DPP3: variants seen among roughly 807,000 people sequenced by gnomAD.
The protein encoded by DPP3 is DPP III.
A neutral mutation model predicts 89.8 loss-of-function variants in DPP3; 64 were observed. The observed-to-expected ratio is 0.71, with a 90% CI of 0.58 to 0.88. The LOEUF (loss-of-function observed/expected upper bound fraction) is 0.88. Among genes scored for constraint, DPP3 ranks in the 40% least tolerant of loss-of-function variants. The pLI, the probability that DPP3 is intolerant of heterozygous loss-of-function variation, is 0.00. For missense variants in DPP3, 835 were observed against 972.5 expected (o/e 0.86, Z 1.88); for synonymous variants, 377 against 404.3 (o/e 0.93, Z 0.81).
Position 66,487,254 on chromosome 11 carries a change from G to A in DPP3, c.499-14G>A. 2 of 1,613,686 alleles carry A rather than the reference G, an allele frequency of 1.2e-6. No individual in the cohort carries two copies. Among genetic ancestry groups the A allele is most frequent in the Admixed American group, 3.3e-5 (2 of 60,004 alleles). On this transcript the variant is annotated splice_polypyrimidine_tract_variant and intron_variant, in intron 4 of 17. Coordinates refer to ENST00000531863, the MANE Select transcript of DPP3 (RefSeq NM_130443.4). ...GCAACTCCTCTTTCTCATGTCCCCT[G>A]TCTTCCCCAACAGGGAATCACCACC...
intron 12 of DPP3, among the ~76,000 whole-genome samples, chr11:66,494,229 G>T (rs1266118447): frequency 1.3e-5 from 2 of 152,152 alleles, no homozygotes; most frequent in Admixed American, 6.5e-5. Context: ...AGTCATTTAT[G>T]GGGGGCTGAA....
chr11:66,494,541 G>C (rs557632472), intron 12 of DPP3, among the ~76,000 whole-genome samples: 1 of 152,344 alleles, frequency 6.6e-6, no homozygotes, highest in Non-Finnish European at 1.5e-5. Context: ...GACCCCTGCT[G>C]TGTGGGCTGT....
intron 17 of DPP3, among the ~76,000 whole-genome samples, 195 bp from the exon 18 acceptor site, chr11:66,508,884 G>A (rs1855870606): frequency 6.6e-6 from 1 of 152,140 alleles, no homozygotes; most frequent in Non-Finnish European, 1.5e-5. Context: ...TACTCCCCCT[G>A]TAGTATTTCC....
chr11:66,509,429 T>C lies in DPP3; in HGVS notation c.*178T>C, dbSNP rs1187604365. On this transcript the variant is annotated 3_prime_UTR_variant, in exon 18 of 18. Transcript: ENST00000531863. Reference sequence around the variant, plus strand: ...TTGTCAGCACTTTCCAGCCTGCCAATTGCTTCCCCTCTGTGATCTCATTTC... The same window carrying C: ...TTGTCAGCACTTTCCAGCCTGCCAACTGCTTCCCCTCTGTGATCTCATTTC... The C allele has an allele frequency of 1.2e-5, 18 of 1,532,516 alleles. No individual in the cohort carries two copies. Among genetic ancestry groups the C allele is most frequent in the Non-Finnish European group, 1.6e-5 (18 of 1,143,630 alleles). 94.9% of individuals were successfully genotyped at this position (1,532,516 alleles called of 1,614,324 possible).
Position 66,495,483 on chromosome 11 carries a change from T to C in DPP3, c.1571T>C (p.Val524Ala). 7 of 1,611,440 alleles carry C rather than the reference T, an allele frequency of 4.3e-6. No individual in the cohort carries two copies. Among genetic ancestry groups the C allele is most frequent in the Non-Finnish European group, 5.9e-6 (7 of 1,178,484 alleles). Residue 524 changes from valine to alanine, a missense_variant, in exon 14 of 18, where the codon GTG becomes GCG. Physicochemically the swap from Val to Ala is moderately conservative, Grantham distance 64. Transcript: ENST00000531863. Reference sequence around the variant, plus strand: ...CTCTACCTCTGTCTCCACCCGCAAGTGCTGGAGTAAGAGCAGCAGGGCCGA... The same window carrying C: ...CTCTACCTCTGTCTCCACCCGCAAGCGCTGGAGTAAGAGCAGCAGGGCCGA... ...VGLYLCLHPQVLEIFGFEGAD... is the reference protein window; with the variant it reads ...VGLYLCLHPQALEIFGFEGAD...
rs1855454422 is a variant in DPP3 at position 66,493,565 on chromosome 11, C to G, written c.1321C>G (p.Pro441Ala). ...GGACCTGTACATCCTCTGGAAGGGG[C>G]CCTCCTTCGATGTGCAGGTGGGCCT... Reference protein sequence around the residue: ...DKDLYILWKGPSFDVQVGLHE... With the variant: ...DKDLYILWKGASFDVQVGLHE... Residue 441 changes from proline to alanine, a missense_variant, in exon 12 of 18, where the codon CCC becomes GCC. By Grantham distance (27) the Pro-to-Ala change is conservative. Coordinates refer to ENST00000531863, the MANE Select transcript of DPP3 (RefSeq NM_130443.4). 6.2e-7 allele frequency: 1 copy of G among 1,613,132 alleles called. No individual in the cohort carries two copies. The highest frequency in any genetic ancestry group is 1.1e-5 in the South Asian group (1 of 91,056).
intron 16 of DPP3, among the ~76,000 whole-genome samples, chr11:66,498,317 T>A (rs1255309321): frequency 1.3e-5 from 2 of 152,094 alleles, no homozygotes; most frequent in South Asian, 2.1e-4. Flanking sequence ...ATGGTCTCGA[T>A]CTCCTGACCT....
intron 4 of DPP3, 49 bp downstream of exon 4, chr11:66,486,726 C>CACTGGT (rs1565267139): frequency 6.9e-7 from 1 of 1,439,222 alleles, no homozygotes. Flanking sequence ...GGGAATCCTT[C>CACTGGT]AAGGCCACCT....
At chr11:66,480,811 T>G in intron 1 of DPP3, 1 of 245,912 alleles carries the variant, frequency 4.1e-6, no homozygotes, top group East Asian at 7.7e-5. Context: ...TTGTTGCCCT[T>G]TCCAAGCCTC....
chr11:66,487,346 T>G lies in DPP3; in HGVS notation c.573+4T>G. 1.9e-6 allele frequency: 3 copies of G among 1,613,942 alleles called. No individual in the cohort carries two copies. Among genetic ancestry groups the G allele is most frequent in the Non-Finnish European group, 2.5e-6 (3 of 1,179,882 alleles). ...CCAGGACTTTCTGGACTCACAGGTT[T>G]GGGGTTAGGGGAGCTCAAGGTAGCA... On this transcript the variant is annotated splice_donor_region_variant and intron_variant, in intron 5 of 17. Coordinates refer to ENST00000531863, the MANE Select transcript of DPP3 (RefSeq NM_130443.4).
At chr11:66,481,453 G>A (rs1855078248) in intron 1 of DPP3, among the ~76,000 whole-genome samples, 1 of 151,982 alleles carries the variant, frequency 6.6e-6, no homozygotes, top group Non-Finnish European at 1.5e-5. Context: ...TCATGCCACT[G>A]CACTCCAGCC....
In DPP3 at chr11:66,485,169, T is replaced by C; in HGVS notation, c.271-4T>C. 3 of 1,614,088 alleles carry C rather than the reference T, an allele frequency of 1.9e-6. No individual in the cohort carries two copies. The highest frequency in any genetic ancestry group is 2.5e-6 in the Non-Finnish European group (3 of 1,179,994). ...TGGGTCTCTGATGCCTGCCTCCCCC[T>C]CAGGCGTTCCTGGTCTATGCCGCGG... On this transcript the variant is annotated splice_polypyrimidine_tract_variant and splice_region_variant and intron_variant, in intron 2 of 17. Transcript: ENST00000531863.
At chr11:66,496,923 A>G (rs1384000019) in intron 15 of DPP3, among the ~76,000 whole-genome samples, 1 of 152,118 alleles carries the variant, frequency 6.6e-6, no homozygotes, top group African/African-American at 2.4e-5. Context: ...TTTGAGCACA[A>G]ACAAGGTTGT....
chr11:66,504,239 A>C (rs1053610166), intron 16 of DPP3, among the ~76,000 whole-genome samples: 4 of 151,946 alleles, frequency 2.6e-5, no homozygotes, highest in Admixed American at 6.6e-5. Flanking sequence ...GATTGCACGC[A>C]TGAGCCACCA....
chr11:66,489,408 G>C (rs1429283694), intron 6 of DPP3, among the ~76,000 whole-genome samples: 1 of 152,110 alleles, frequency 6.6e-6, no homozygotes, highest in Non-Finnish European at 1.5e-5. Flanking sequence ...ATCCACTGTT[G>C]TCTCCCTGGT....
intron 3 of DPP3, among the ~76,000 whole-genome samples, chr11:66,485,871 A>T (rs139980737): frequency 1.3e-5 from 2 of 152,160 alleles, no homozygotes; most frequent in East Asian, 3.9e-4. Context: ...TTAGCCTCCC[A>T]AGTAGTTGGG....
In DPP3 at chr11:66,497,375, C is replaced by A; in HGVS notation, c.1776C>A (p.Thr592=). ...AGEGLVTITP[T]TGSDGRPDAR... ...AGGGACTCGTTACCATCACTCCCAC[C>A]ACAGGCTCCGATGGGCGCCCAGATG... Residue 592 remains threonine (T), a synonymous_variant, in exon 16 of 18, where the codon ACC becomes ACA. Transcript: ENST00000531863. 1 of 1,614,034 alleles carries A rather than the reference C, an allele frequency of 6.2e-7. No homozygotes were observed. Among genetic ancestry groups the A allele is most frequent in the Non-Finnish European group, 8.5e-7 (1 of 1,179,978 alleles).
In DPP3 at chr11:66,485,162, C is replaced by T. The variant is rs370669411; in HGVS notation, c.271-11C>T. ...TGCTTCCTGGGTCTCTGATGCCTGC[C>T]TCCCCCTCAGGCGTTCCTGGTCTAT... is the stretch of plus-strand genomic sequence containing the variant. On this transcript the variant is annotated splice_polypyrimidine_tract_variant and intron_variant, in intron 2 of 17. Coordinates refer to ENST00000531863, the MANE Select transcript of DPP3 (RefSeq NM_130443.4). 4.3e-6 allele frequency: 7 copies of T among 1,613,852 alleles called. No homozygotes were observed. The highest frequency in any genetic ancestry group is 1.7e-4 in the Middle Eastern group (1 of 6,008).
intron 17 of DPP3, among the ~76,000 whole-genome samples, chr11:66,508,515 ATTAT>A (rs558050868): frequency 2.6e-5 from 4 of 151,854 alleles, no homozygotes; most frequent in South Asian, 2.1e-4. Flanking sequence ...GGTGTCTTTT[ATTAT>A]TTATTTATTT....
Sources: allele counts gnomAD v4.1 joint callset (sites outside exome capture counted in the v4.1 genomes callset), GRCh38; gene constraint gnomAD v4.1.1; transcripts MANE v1.5; gene names NCBI Gene and HGNC (gene_info 2026-07-23, HGNC 2026-07-21).